The following PACRG variants were observed in gnomAD, a reference collection of about 807,000 sequenced individuals.
PACRG encodes parkin coregulated gene protein.
In PACRG, 29 loss-of-function variants were observed where a neutral mutation model predicts 29.7. That is an observed-to-expected ratio of 0.98 (90% CI 0.73 to 1.33). The LOEUF is 1.33. Among genes scored for constraint, PACRG ranks in the 40% most tolerant of loss-of-function variants. PACRG has a pLI of 0.00. For synonymous variants in PACRG, 116 were observed against 118.7 expected, an observed-to-expected ratio of 0.98 and a Z score of 0.15; for missense variants, 279 against 316.2, an observed-to-expected ratio of 0.88 and a Z score of 0.89.
intron 4 of PACRG, among the ~76,000 whole-genome samples, chr6:163,246,606 C>T (rs1433906318): frequency 1.3e-5 from 2 of 152,204 alleles, no homozygotes; most frequent in East Asian, 3.9e-4. Flanking sequence ...CTGTCTCACT[C>T]CGTGTCAGCT....
At chr6:163,222,737 T>C (rs1781640337) in intron 4 of PACRG, among the ~76,000 whole-genome samples, 1 of 152,144 alleles carries the variant, frequency 6.6e-6, no homozygotes, top group South Asian at 2.1e-4. Flanking sequence ...TTTGAACCAC[T>C]AAGAAATAAT....
At chr6:163,102,967 ACAGCT>A (rs1258047045) in intron 4 of PACRG, among the ~76,000 whole-genome samples, 1 of 152,232 alleles carries the variant, frequency 6.6e-6, no homozygotes, top group East Asian at 1.9e-4. Context: ...TGCTTTATCA[ACAGCT>A]CAGCAATTGT....
chr6:163,112,718 T>C lies in PACRG; in HGVS notation c.613+23310T>C, dbSNP rs531617217. Among the ~76,000 whole-genome samples the C allele has an allele frequency of 2.0e-5, 3 of 152,258 alleles. No individual in the cohort carries two copies. In the East Asian group the frequency reaches 5.8e-4, roughly 29 times the overall value. On this transcript the variant is annotated intron_variant, in intron 4 of 4. Coordinates refer to ENST00000366888, the MANE Select transcript of PACRG (RefSeq NM_001080379.2). ...ACCTTAGGTTTACACCTCAGGCTGG[T>C]CAACAGCACAGATACAACAGAGAAC...
At chr6:163,174,998 G>T (rs773461865) in intron 4 of PACRG, among the ~76,000 whole-genome samples, 4 of 152,184 alleles carry the variant, frequency 2.6e-5, no homozygotes, top group Non-Finnish European at 5.9e-5. Context: ...ATATCAACCA[G>T]GTGGACTTTT....
intron 2 of PACRG, among the ~76,000 whole-genome samples, chr6:162,850,552 A>G (rs1430963164): frequency 6.6e-6 from 1 of 152,186 alleles, no homozygotes; most frequent in Non-Finnish European, 1.5e-5. Flanking sequence ...CAATGGTTTA[A>G]TCAATCATGA....
At chr6:163,113,609 AAAAC>A (rs1055994446) in intron 4 of PACRG, among the ~76,000 whole-genome samples, 4 of 152,108 alleles carry the variant, frequency 2.6e-5, no homozygotes, top group Non-Finnish European at 2.9e-5. Flanking sequence ...AAGGAAAAAC[AAAAC>A]AAACAAACAA....
intron 4 of PACRG, among the ~76,000 whole-genome samples, chr6:163,201,231 C>T (rs1279703705): frequency 6.6e-6 from 1 of 152,202 alleles, no homozygotes; most frequent in Non-Finnish European, 1.5e-5. Flanking sequence ...CAGAAAGTGT[C>T]ACAAACCCAC....
intron 4 of PACRG, among the ~76,000 whole-genome samples, chr6:163,229,962 G>C (rs1781961988): frequency 6.6e-6 from 1 of 152,156 alleles, no homozygotes; most frequent in South Asian, 2.1e-4. Flanking sequence ...TCAACAGTTT[G>C]CTTCTGGGCA....
intron 4 of PACRG, among the ~76,000 whole-genome samples, chr6:163,283,730 A>G (rs1032361301): frequency 2.7e-5 from 4 of 150,164 alleles, no homozygotes; most frequent in African/African-American, 9.8e-5. Flanking sequence ...GAACCCGGGA[A>G]GCGGAGCTTG....
chr6:162,869,889 T>G (rs1792653789), intron 2 of PACRG, among the ~76,000 whole-genome samples: 1 of 152,212 alleles, frequency 6.6e-6, no homozygotes, highest in South Asian at 2.1e-4. Context: ...CTGTTGACAG[T>G]ACATGGAGCA....
chr6:162,986,890 A>G (rs1380499512), intron 2 of PACRG, among the ~76,000 whole-genome samples: 1 of 151,422 alleles, frequency 6.6e-6, no homozygotes, highest in Non-Finnish European at 1.5e-5. Flanking sequence ...TCTTTATGAT[A>G]TCTGTTTCCC....
intron 4 of PACRG, among the ~76,000 whole-genome samples, chr6:163,130,422 A>G (rs912395143): frequency 2.0e-5 from 3 of 151,800 alleles, no homozygotes; most frequent in Non-Finnish European, 4.4e-5. Flanking sequence ...TGCCCTTCCT[A>G]TGTCATTATT....
chr6:162,727,350 C>G, upstream of PACRG: 1 of 333,568 alleles, frequency 3.0e-6, no homozygotes, highest in Non-Finnish European at 5.3e-6. Flanking sequence ...GGCTTCGGGA[C>G]CCCACACGGT....
intron 2 of PACRG, among the ~76,000 whole-genome samples, chr6:162,963,110 A>G (rs1162591950): frequency 6.6e-6 from 1 of 152,218 alleles, no homozygotes; most frequent in Non-Finnish European, 1.5e-5. Context: ...CTTAGTTATG[A>G]AAAGGAAGGC....
At chr6:162,878,826 C>T (rs933061148) in intron 2 of PACRG, among the ~76,000 whole-genome samples, 14 of 152,280 alleles carry the variant, frequency 9.2e-5, no homozygotes, top group African/African-American at 3.1e-4. Flanking sequence ...GCATAAGCCC[C>T]ATGTTATTCT....
intron 4 of PACRG, among the ~76,000 whole-genome samples, chr6:163,265,404 G>A (rs991482434): frequency 3.3e-5 from 5 of 152,144 alleles, no homozygotes; most frequent in African/African-American, 1.2e-4. Flanking sequence ...GGAAGGGGGT[G>A]GGGGGCACTC....
In PACRG at chr6:162,728,315, A is replaced by C; in HGVS notation, c.80A>C (p.Gln27Pro). Residue 27 changes from glutamine to proline, a missense_variant, in exon 1 of 5, where the codon CAG (glutamine) becomes CCG (proline). By Grantham distance (76) the Gln-to-Pro change is moderately conservative. Coordinates refer to ENST00000366888, the MANE Select transcript of PACRG (RefSeq NM_001080379.2). ...AAGAGGACCAAGCTGCTGGCACAAC[A>C]GCCGCTCCCGGTGCACCAGCCTCAC... ...MPKRTKLLAQ[Q>P]PLPVHQPHSL... 1.9e-6 allele frequency: 3 copies of C among 1,614,054 alleles called. No homozygotes were observed. The highest frequency in any genetic ancestry group is 2.5e-6 in the Non-Finnish European group (3 of 1,180,030).
Position 162,727,979 on chromosome 6 carries a change from G to C in PACRG, c.-257G>C. 1.7e-6 allele frequency: 1 copy of C among 604,562 alleles called. No homozygotes were observed. The highest frequency in any genetic ancestry group is 2.9e-6 in the Non-Finnish European group (1 of 342,242). The allele number at this position is 604,562 out of a possible 1,614,324, so 37.4% of individuals were successfully genotyped here. On this transcript the variant is annotated 5_prime_UTR_variant, in exon 1 of 5. Transcript: ENST00000366888. ...GCCCGCCGTGTTGACCAGTCGCTTA[G>C]CAACCGGGAGGCTTACCTTTGGAAG...
At chr6:163,131,081 G>A (rs1038192496) in intron 4 of PACRG, among the ~76,000 whole-genome samples, 4 of 152,180 alleles carry the variant, frequency 2.6e-5, no homozygotes, top group African/African-American at 9.6e-5. Flanking sequence ...GCCGAGGCGG[G>A]TGGATCACGA....
Sources: gnomAD v4.1 joint callset for allele counts (sites outside exome capture counted in the v4.1 genomes callset) on GRCh38, gnomAD v4.1.1 for gene constraint, MANE v1.5 for transcripts, NCBI Gene and HGNC (gene_info 2026-07-23, HGNC 2026-07-21) for gene names.